Variants in RPS9 observed in about 807,000 individuals in gnomAD.
RPS9 encodes small ribosomal subunit protein uS4.
RPS9 carries 1 observed loss-of-function variant against 16.9 expected under a neutral mutation model. That is an observed-to-expected ratio of 0.06 (90% CI 0.02 to 0.28). The LOEUF is 0.28. RPS9 is among the 10% of genes least tolerant of loss of function. The probability of loss-of-function intolerance (pLI) is 1.00; values close to 1 mark genes in which losing one functional copy is unlikely to be tolerated. For missense variants in RPS9, 137 were observed against 273.2 expected (o/e 0.50, Z 3.51); for synonymous variants, 106 against 110.9 (o/e 0.96, Z 0.28).
At chr19:54,207,245 G>T in intron 4 of RPS9, 153 bp from the exon 5 acceptor site, 1 of 623,314 alleles carries the variant, frequency 1.6e-6, no homozygotes, top group Non-Finnish European at 2.8e-6. Flanking sequence ...ACCCCGGAGG[G>T]CGCACGTAGG....
intron 3 of RPS9, chr19:54,202,649 C>G: frequency 4.1e-6 from 4 of 985,440 alleles, no homozygotes; most frequent in Non-Finnish European, 4.8e-6. Context: ...GTGCTTTCTA[C>G]AGCAGATTGG....
intron 4 of RPS9, chr19:54,207,102 G>A (rs1211883815): frequency 1.5e-5 from 7 of 469,990 alleles, no homozygotes; most frequent in South Asian, 6.7e-5. Flanking sequence ...TTTCAGACTC[G>A]GAACTTGGGG....
intron 2 of RPS9, 90 bp from the exon 3 acceptor site, chr19:54,201,397 T>C (rs903984448): frequency 6.2e-7 from 1 of 1,606,906 alleles, no homozygotes; most frequent in Non-Finnish European, 8.5e-7. Flanking sequence ...CTATTCGTGG[T>C]TTAGGAAGGT....
At position 54,200,887 on chromosome 19, in the gene RPS9, A is replaced by T; in HGVS notation, c.-27A>T. ...TTCTCAGTGACCGGGTGGTTTGCTT[A>T]GGTGAGGTGCGGTGGTGTGCTTTTT... On this transcript the variant is annotated splice_region_variant and 5_prime_UTR_variant, in exon 1 of 5. Transcript: ENST00000302907. The T allele has an allele frequency of 1.2e-6, 1 of 843,876 alleles. No individual in the cohort carries two copies. Among genetic ancestry groups the T allele is most frequent in the Non-Finnish European group, 1.6e-6 (1 of 638,952 alleles). 52.3% of individuals were successfully genotyped at this position (843,876 alleles called of 1,614,324 possible).
At chr19:54,201,715 A>G (rs78525177) in intron 3 of RPS9, 106 bp downstream of exon 3, 161,715 of 1,531,076 alleles carry the variant, frequency 0.11, 9,177 homozygotes, top group Middle Eastern at 0.15. Flanking sequence ...CATTGGATAA[A>G]TGGAACCAGC....
chr19:54,206,498 C>T, intron 4 of RPS9, 36 bp downstream of exon 4: 1 of 1,612,100 alleles, frequency 6.2e-7, no homozygotes, highest in Non-Finnish European at 8.5e-7. Context: ...TCTTCCTCCA[C>T]CTGCCCCTCT....
chr19:54,202,343 G>T (rs913973158), intron 3 of RPS9: 1 of 792,402 alleles, frequency 1.3e-6, no homozygotes, highest in Non-Finnish European at 1.5e-6. Flanking sequence ...GGGCCACCAA[G>T]CCTGGCTAAT....
rs765869315 is a variant in RPS9, at chr19:54,207,420, A to G, written c.430A>G (p.Ile144Val). The G allele has an allele frequency of 3.1e-6, 5 of 1,613,310 alleles. No individual in the cohort carries two copies. The highest frequency in any genetic ancestry group is 3.3e-5 in the Admixed American group (2 of 59,966). The stretch of plus-strand genomic sequence containing the variant: ...CAGGGTCCGCAAGCAGGTGGTGAAC[A>G]TCCCGTCCTTCATTGTCCGCCTGGA... ...HIRVRKQVVN[I>V]PSFIVRLDSQ... The change falls in exon 5 of 5, where the codon ATC (isoleucine) becomes GTC (valine). Residue 144 changes from isoleucine to valine, a missense_variant. This residue lies in a region of RPS9 where 54 missense variants were observed against 90.9 expected (regional missense o/e 0.59). Coordinates refer to ENST00000302907, the MANE Select transcript of RPS9 (RefSeq NM_001013.4).
At position 54,200,926 on chromosome 19, in the gene RPS9, G is replaced by A. The variant is rs972909675; in HGVS notation, c.-26+38G>A. ...GGTGTGCTTTTTCTCTAGGGTTTGG[G>A]TTGGATGGTGGCCCGGGCCTTCCGA... On this transcript the variant is annotated intron_variant, in intron 1 of 4. Transcript: ENST00000302907. 4 of 1,397,322 alleles carry A rather than the reference G, an allele frequency of 2.9e-6. No individual in the cohort carries two copies. The African/African-American group carries it at 5.8e-5, about 20-fold the overall frequency. 86.6% of individuals were successfully genotyped at this position (1,397,322 alleles called of 1,614,324 possible). A position where few individuals can be genotyped will look rare whatever the true frequency, so the allele number is the denominator to read the frequency against.
intron 2 of RPS9, 88 bp downstream of exon 2, chr19:54,201,369 C>T (rs527937442): frequency 1.5e-5 from 24 of 1,607,632 alleles, no homozygotes; most frequent in African/African-American, 5.4e-5. Flanking sequence ...CTATCTAGTC[C>T]GTCCCCTAAA....
intron 3 of RPS9, 29 bp downstream of exon 3, chr19:54,201,638 T>TG (rs1282798827): frequency 6.8e-6 from 11 of 1,613,652 alleles, no homozygotes; most frequent in Non-Finnish European, 9.3e-6. Flanking sequence ...AGCAGAGGGA[T>TG]GGGGTGCAGG....
intron 4 of RPS9, 35 bp from the exon 5 acceptor site, chr19:54,207,363 T>G (rs2077279772): frequency 1.3e-6 from 2 of 1,568,038 alleles, no homozygotes; most frequent in African/African-American, 1.4e-5. Flanking sequence ...CGTCCGTTTC[T>G]CCTCCAGTCC....
Position 54,201,628 on chromosome 19 carries a change from A to G in RPS9, c.220+19A>G, listed in dbSNP as rs375535264. On this transcript the variant is annotated intron_variant, in intron 3 of 4. Transcript: ENST00000302907. Reference sequence around the variant, plus strand: ...TTCGAAGGTGCGTATGGGAGTCCACAGCAGAGGGATGGGGTGCAGGGCTTG... The same window carrying G: ...TTCGAAGGTGCGTATGGGAGTCCACGGCAGAGGGATGGGGTGCAGGGCTTG... The G allele has an allele frequency of 1.2e-5, 19 of 1,614,012 alleles. No homozygotes were observed. Among genetic ancestry groups the G allele is most frequent in the Non-Finnish European group, 1.6e-5 (19 of 1,179,970 alleles).
In RPS9 at chr19:54,206,303, G is replaced by T. The variant is rs780838584; in HGVS notation, c.248G>T (p.Arg83Leu). Residue 83 changes from arginine to leucine, a missense_variant, in exon 4 of 5, where the codon CGC becomes CTC. Coordinates refer to ENST00000302907, the MANE Select transcript of RPS9 (RefSeq NM_001013.4). ...EGNALLRRLV[R>L]IGVLDEGKMK... is the part of the protein sequence containing the mutation. The stretch of plus-strand genomic sequence containing the variant: ...AACGCCCTGCTGCGGCGGCTGGTCC[G>T]CATTGGGGTGCTGGATGAGGGCAAG... 2 of 1,613,968 alleles carry T rather than the reference G, an allele frequency of 1.2e-6. No individual in the cohort carries two copies. The highest frequency in any genetic ancestry group is 8.5e-7 in the Non-Finnish European group (1 of 1,179,926).
chr19:54,203,352 T>C (rs1432965878), intron 3 of RPS9: 1 of 974,762 alleles, frequency 1.0e-6, no homozygotes, highest in Non-Finnish European at 1.2e-6. Context: ...GTTTGCTCTT[T>C]GGTGTAATCC....
chr19:54,202,400 G>A, intron 3 of RPS9: 1 of 982,432 alleles, frequency 1.0e-6, no homozygotes. Context: ...GTCCAGGCTG[G>A]TGCTTGTTTT....
At chr19:54,202,967 G>C (rs2077112085) in intron 3 of RPS9, 1 of 959,998 alleles carries the variant, frequency 1.0e-6, no homozygotes, top group South Asian at 4.8e-5. Context: ...CAAAGTGCTG[G>C]GGTTACAGGT....
intron 1 of RPS9, 83 bp from the exon 2 acceptor site, chr19:54,201,077 G>A: frequency 6.4e-7 from 1 of 1,552,820 alleles, no homozygotes. Flanking sequence ...GATCGGATCT[G>A]GGCTCCGCGA....
At position 54,207,587 on chromosome 19, in the gene RPS9, C is replaced by T. The variant is rs1334849438; in HGVS notation, c.*12C>T. 2 of 1,588,378 alleles carry T rather than the reference C, an allele frequency of 1.3e-6. No homozygotes were observed. Among genetic ancestry groups the T allele is most frequent in the Admixed American group, 1.8e-5 (1 of 56,806 alleles). On this transcript the variant is annotated 3_prime_UTR_variant, in exon 5 of 5. Transcript: ENST00000302907. Reference sequence around the variant, plus strand: ...AGGAGGAGGATTAAGTCCACCTGTCCCTCCTGGGCTGCTGGATTGTCTCGT... The same window carrying T: ...AGGAGGAGGATTAAGTCCACCTGTCTCTCCTGGGCTGCTGGATTGTCTCGT...
Sources: allele counts gnomAD v4.1 joint callset, GRCh38; gene constraint gnomAD v4.1.1; regional missense constraint gnomAD v4.1.1; transcripts MANE v1.5; gene names NCBI Gene and HGNC (gene_info 2026-07-23, HGNC 2026-07-21).